R3HCC1L: variants seen among roughly 807,000 people sequenced by gnomAD.
R3HCC1L encodes coiled-coil domain-containing protein R3HCC1L.
In R3HCC1L, 51 loss-of-function variants were observed where a neutral mutation model predicts 59.9. The observed-to-expected ratio is 0.85, with a 90% confidence interval of 0.68 to 1.07. The LOEUF is 1.07. Ranked by LOEUF, R3HCC1L falls within the 50% of genes least tolerant of loss-of-function variation. R3HCC1L has a pLI of 0.00. For synonymous variants in R3HCC1L, 322 were observed against 315.2 expected (o/e 1.02, Z -0.23); for missense variants, 965 against 933.0 (o/e 1.03, Z -0.45).
intron 5 of R3HCC1L, among the ~76,000 whole-genome samples, chr10:98,229,053 A>T (rs1174830135): frequency 6.6e-6 from 1 of 151,938 alleles, no homozygotes; most frequent in East Asian, 1.9e-4. Context: ...CTTAGGATTG[A>T]CTTGGCAATG....
intron 4 of R3HCC1L, among the ~76,000 whole-genome samples, chr10:98,193,231 C>T (rs1851049727): frequency 6.6e-6 from 1 of 152,048 alleles, no homozygotes; most frequent in Admixed American, 6.5e-5. Flanking sequence ...AATGCCCACT[C>T]ATCACTTTCT....
intron 4 of R3HCC1L, among the ~76,000 whole-genome samples, chr10:98,194,570 A>G (rs564307844): frequency 6.6e-6 from 1 of 152,330 alleles, no homozygotes; most frequent in East Asian, 1.9e-4. Flanking sequence ...ATATTTGTAA[A>G]CCATATATTA....
intron 5 of R3HCC1L, chr10:98,211,453 G>C: frequency 7.5e-7 from 1 of 1,335,204 alleles, no homozygotes; most frequent in Non-Finnish European, 9.8e-7. Context: ...ATCCAAATCA[G>C]GTTAAGAAAT....
At chr10:98,191,720 C>G (rs972251429) in intron 4 of R3HCC1L, among the ~76,000 whole-genome samples, 3 of 152,142 alleles carry the variant, frequency 2.0e-5, no homozygotes, top group African/African-American at 7.2e-5. Context: ...TCATGAAGTC[C>G]TTGCCCGTGC....
intron 5 of R3HCC1L, among the ~76,000 whole-genome samples, chr10:98,216,220 A>T (rs1044094016): frequency 2.0e-5 from 3 of 152,188 alleles, no homozygotes; most frequent in Non-Finnish European, 4.4e-5. Flanking sequence ...CATTTAAAAA[A>T]TATATGTTCT....
chr10:98,230,264 T>A (rs1193177776), intron 5 of R3HCC1L, among the ~76,000 whole-genome samples: 5 of 152,224 alleles, frequency 3.3e-5, no homozygotes, highest in Admixed American at 2.6e-4. Context: ...TCAGATCCTG[T>A]TATTGGTCTA....
chr10:98,194,998 A>C (rs1308893913), intron 4 of R3HCC1L, among the ~76,000 whole-genome samples: 1 of 152,182 alleles, frequency 6.6e-6, no homozygotes, highest in Non-Finnish European at 1.5e-5. Flanking sequence ...ATTAGATGTT[A>C]AAGAGACATC....
intron 4 of R3HCC1L, among the ~76,000 whole-genome samples, chr10:98,183,399 T>A (rs1403173183): frequency 6.6e-6 from 1 of 151,402 alleles, no homozygotes; most frequent in Non-Finnish European, 1.5e-5. Flanking sequence ...TTTTCCACCA[T>A]CAGTTTGAAT....
At position 98,235,528 on chromosome 10, in the gene R3HCC1L, T is replaced by C. The variant is rs1331147232; in HGVS notation, c.2128+8T>C. The C allele has an allele frequency of 5.6e-6, 9 of 1,594,254 alleles. No homozygotes were observed. In the Admixed American group the frequency reaches 1.6e-4, roughly 29 times the overall value. On this transcript the variant is annotated splice_region_variant and intron_variant, in intron 8 of 9. Coordinates refer to ENST00000298999, the MANE Select transcript of R3HCC1L (RefSeq NM_001351015.2). ...AAGCTAGAGCTTATGCTGGTGAGTC[T>C]ATAATCTCTGGGTTTTTTTCTTGCT...
chr10:98,208,020 G>A, intron 4 of R3HCC1L, 81 bp from the exon 5 acceptor site: 1 of 1,311,014 alleles, frequency 7.6e-7, no homozygotes, highest in South Asian at 1.6e-5. Flanking sequence ...GTGAGACTCT[G>A]TCCCAAAAAG....
intron 5 of R3HCC1L, among the ~76,000 whole-genome samples, chr10:98,230,404 A>G (rs1334428279): frequency 6.6e-6 from 1 of 151,974 alleles, no homozygotes; most frequent in Non-Finnish European, 1.5e-5. Context: ...GGTAGTTTGT[A>G]TTTCTGTGGG....
chr10:98,222,728 C>T (rs915478281), intron 5 of R3HCC1L, among the ~76,000 whole-genome samples: 1 of 151,656 alleles, frequency 6.6e-6, no homozygotes, highest in Non-Finnish European at 1.5e-5. Context: ...AAAAACCCTT[C>T]AAAAAATTAA....
intron 4 of R3HCC1L, among the ~76,000 whole-genome samples, chr10:98,195,163 G>A (rs1851287393): frequency 6.6e-6 from 1 of 152,156 alleles, no homozygotes; most frequent in Non-Finnish European, 1.5e-5. Context: ...CTGTCATGCT[G>A]CCTCATGGTT....
At chr10:98,224,017 A>G (rs1050382111) in intron 5 of R3HCC1L, among the ~76,000 whole-genome samples, 10 of 152,162 alleles carry the variant, frequency 6.6e-5, no homozygotes, top group East Asian at 1.9e-4. Context: ...TGGCGGGTCA[A>G]TCTCCAGGCT....
intron 4 of R3HCC1L, among the ~76,000 whole-genome samples, chr10:98,165,229 A>C (rs1164436451): frequency 6.6e-6 from 1 of 152,230 alleles, no homozygotes; most frequent in African/African-American, 2.4e-5. Flanking sequence ...GCGCCAGTGC[A>C]CTTCCAGCCT....
rs557767070 is a variant in R3HCC1L, at chr10:98,240,651, C to T, written c.2270-3440C>T. 2.0e-4 allele frequency among the ~76,000 whole-genome samples: 30 copies of T among 152,340 alleles called. No homozygotes were observed. In the South Asian group the frequency reaches 2.3e-3, roughly 12 times the overall value. On this transcript the variant is annotated intron_variant, in intron 9 of 9. Transcript: ENST00000298999. Reference sequence around the variant, plus strand: ...TATAAGATAGTAATAAATTTAATCACAGTTCATACCTTCTGAAAACCTTCT... The same window carrying T: ...TATAAGATAGTAATAAATTTAATCATAGTTCATACCTTCTGAAAACCTTCT...
chr10:98,233,383 T>C (rs1218500822), intron 6 of R3HCC1L, among the ~76,000 whole-genome samples: 1 of 152,202 alleles, frequency 6.6e-6, no homozygotes, highest in African/African-American at 2.4e-5. Flanking sequence ...CTGTGATTTA[T>C]AAAAATGAAA....
At chr10:98,210,919 A>G (rs1247935696) in intron 5 of R3HCC1L, among the ~76,000 whole-genome samples, 1 of 152,200 alleles carries the variant, frequency 6.6e-6, no homozygotes, top group Non-Finnish European at 1.5e-5. Context: ...AAAGAGCCAC[A>G]TAATACTGAA....
intron 5 of R3HCC1L, among the ~76,000 whole-genome samples, chr10:98,215,482 C>G (rs11189516): frequency 6.6e-6 from 1 of 152,132 alleles, no homozygotes; most frequent in African/African-American, 2.4e-5. Flanking sequence ...TAATACTTCA[C>G]GTTCACAATC....
Sources: gnomAD v4.1 joint callset for allele counts (sites outside exome capture counted in the v4.1 genomes callset) on GRCh38, gnomAD v4.1.1 for gene constraint, MANE v1.5 for transcripts, NCBI Gene and HGNC (gene_info 2026-07-23, HGNC 2026-07-21) for gene names.